Variants in TM9SF4 observed in about 807,000 individuals in gnomAD.
TM9SF4 encodes transmembrane 9 superfamily member 4, also known as dinucleotide oxidase disulfide thiol exchanger 3 superfamily member 4.
TM9SF4 carries 26 observed loss-of-function variants against 90.4 expected under a neutral mutation model. The observed-to-expected ratio is 0.29, with a 90% CI of 0.21 to 0.40. The LOEUF is 0.40. Among genes scored for constraint, TM9SF4 ranks in the 10% least tolerant of loss-of-function variants. The pLI is 1.00. For synonymous variants in TM9SF4, 293 were observed against 315.4 expected (o/e 0.93, Z 0.75); for missense variants, 549 against 834.8 (o/e 0.66, Z 4.22).
intron 9 of TM9SF4, among the ~76,000 whole-genome samples, chr20:32,149,194 T>C (rs1417368079): frequency 1.3e-5 from 2 of 152,252 alleles, no homozygotes; most frequent in African/African-American, 4.8e-5. Context: ...TGTTTAAATT[T>C]TTCTGTAATA....
At chr20:32,153,582 C>G (rs2046874093) in intron 12 of TM9SF4, among the ~76,000 whole-genome samples, 1 of 152,114 alleles carries the variant, frequency 6.6e-6, no homozygotes, top group African/African-American at 2.4e-5. Context: ...GACCCTGTCT[C>G]TACAAAAAAT....
intron 1 of TM9SF4, among the ~76,000 whole-genome samples, chr20:32,129,951 C>G (rs942729584): frequency 9.9e-5 from 15 of 152,116 alleles, no homozygotes; most frequent in African/African-American, 3.4e-4. Flanking sequence ...TTTGGCATAC[C>G]TGACGTATTT....
intron 2 of TM9SF4, among the ~76,000 whole-genome samples, chr20:32,135,343 A>C (rs1385886361): frequency 6.6e-6 from 1 of 152,180 alleles, no homozygotes; most frequent in African/African-American, 2.4e-5. Context: ...CAAACATTTA[A>C]TGAGTACCTA....
chr20:32,134,233 T>G (rs2122378907), intron 2 of TM9SF4, among the ~76,000 whole-genome samples: 1 of 152,092 alleles, frequency 6.6e-6, no homozygotes, highest in South Asian at 2.1e-4. Context: ...CAGTCCCACA[T>G]AGCTAAGTAT....
intron 1 of TM9SF4, among the ~76,000 whole-genome samples, chr20:32,118,675 G>T (rs1378576805): frequency 6.6e-6 from 1 of 151,192 alleles, no homozygotes; most frequent in African/African-American, 2.4e-5. Flanking sequence ...TCACTCTGTT[G>T]CCCAAGCTGG....
At chr20:32,141,301 G>T (rs1369856258) in intron 3 of TM9SF4, among the ~76,000 whole-genome samples, 196 bp from the exon 4 acceptor site, 1 of 151,766 alleles carries the variant, frequency 6.6e-6, no homozygotes, top group African/African-American at 2.4e-5. Context: ...GAGCCCAAAG[G>T]AGGAGGGTGG....
At position 32,158,635 on chromosome 20, in the gene TM9SF4, C is replaced by A. The variant is rs576083447; in HGVS notation, c.1569+121C>A. The A allele has an allele frequency of 3.1e-6, 3 of 954,084 alleles. No individual in the cohort carries two copies. The African/African-American group carries it at 4.8e-5, about 15-fold the overall frequency. The allele number at this position is 954,084 out of a possible 1,614,324, so 59.1% of individuals were successfully genotyped here. On this transcript the variant is annotated intron_variant, in intron 15 of 17. Coordinates refer to ENST00000398022, the MANE Select transcript of TM9SF4 (RefSeq NM_014742.4). ...AGATGGGCCACTTCACCTCTCGGAG[C>A]CCCATTCTTCACCCTGAAATTGGAC...
At chr20:32,163,268 A>AAAAATATATAT (rs1555886757) in intron 17 of TM9SF4, among the ~76,000 whole-genome samples, 43 of 74,426 alleles carry the variant, frequency 5.8e-4, no homozygotes, top group African/African-American at 2.5e-3. Flanking sequence ...AAAAAAAAAA[A>AAAAATATATAT]ATATATATAT....
At chr20:32,146,893 G>C in intron 9 of TM9SF4, 38 bp downstream of exon 9, 1 of 1,593,998 alleles carries the variant, frequency 6.3e-7, no homozygotes, top group Non-Finnish European at 8.6e-7. Flanking sequence ...AAGTTGGATG[G>C]GGAGGGGAGG....
rs531199938 is a variant in TM9SF4, at chr20:32,153,383, C to T, written c.1246-1720C>T. On this transcript the variant is annotated intron_variant, in intron 12 of 17. Coordinates refer to ENST00000398022, the MANE Select transcript of TM9SF4 (RefSeq NM_014742.4). The stretch of plus-strand genomic sequence containing the variant: ...TGAGCATCAGGTTCCGGAGGGCCTT[C>T]GTCATTGTGGTTAGTGACCCACCTG... Among the ~76,000 whole-genome samples, 9 of 152,296 alleles carry T rather than the reference C, an allele frequency of 5.9e-5. No homozygotes were observed. In the East Asian group the frequency reaches 7.7e-4, roughly 13 times the overall value.
chr20:32,141,449 C>A, intron 3 of TM9SF4, 48 bp from the exon 4 acceptor site: 1 of 1,601,714 alleles, frequency 6.2e-7, no homozygotes. Flanking sequence ...CTGACCTCAG[C>A]AACCTCAGGG....
At chr20:32,113,283 C>T (rs2046173411) in intron 1 of TM9SF4, among the ~76,000 whole-genome samples, 1 of 152,178 alleles carries the variant, frequency 6.6e-6, no homozygotes, top group Non-Finnish European at 1.5e-5. Flanking sequence ...GTTGAGCCGC[C>T]AGCTCCCAGA....
intron 5 of TM9SF4, 69 bp from the exon 6 acceptor site, chr20:32,142,913 A>C: frequency 4.1e-5 from 63 of 1,552,758 alleles, no homozygotes; most frequent in Non-Finnish European, 5.1e-5. Flanking sequence ...GGGTGAGGCA[A>C]GGGCCCTAAT....
At chr20:32,139,317 C>T (rs1274074306) in intron 3 of TM9SF4, among the ~76,000 whole-genome samples, 1 of 152,192 alleles carries the variant, frequency 6.6e-6, no homozygotes, top group Admixed American at 6.5e-5. Flanking sequence ...ACTGAAAATG[C>T]CTTCGATGTA....
chr20:32,140,092 GATGA>G (rs1309891068), intron 3 of TM9SF4, among the ~76,000 whole-genome samples: 5 of 152,226 alleles, frequency 3.3e-5, no homozygotes, highest in Non-Finnish European at 7.3e-5. Flanking sequence ...CATGTTCACG[GATGA>G]ATGAATGAAT....
intron 1 of TM9SF4, among the ~76,000 whole-genome samples, chr20:32,123,992 A>G (rs1483042078): frequency 2.0e-5 from 3 of 151,658 alleles, no homozygotes; most frequent in South Asian, 2.1e-4. Context: ...CCTCCCAAGT[A>G]GCTAGGTCTG....
chr20:32,110,941 C>T (rs780592108), intron 1 of TM9SF4, among the ~76,000 whole-genome samples: 1 of 152,156 alleles, frequency 6.6e-6, no homozygotes, highest in Non-Finnish European at 1.5e-5. Context: ...CAGATAATTT[C>T]GTCCGGGGAG....
intron 1 of TM9SF4, among the ~76,000 whole-genome samples, chr20:32,111,989 GTGT>G (rs1156567061): frequency 2.0e-5 from 3 of 152,232 alleles, no homozygotes; most frequent in African/African-American, 7.2e-5. Context: ...TTTTGAAATA[GTGT>G]TGTATTAGGC....
At chr20:32,128,458 T>G (rs1051123902) in intron 1 of TM9SF4, among the ~76,000 whole-genome samples, 10 of 152,158 alleles carry the variant, frequency 6.6e-5, no homozygotes. Context: ...AAATAAAATT[T>G]AGGAGGTACC....
Sources: gnomAD v4.1 joint callset for allele counts (sites outside exome capture counted in the v4.1 genomes callset) on GRCh38, gnomAD v4.1.1 for gene constraint, MANE v1.5 for transcripts, NCBI Gene and HGNC (gene_info 2026-07-23, HGNC 2026-07-21) for gene names.